The following COL4A2 variants were observed in gnomAD, a reference collection of about 807,000 sequenced individuals.
COL4A2 encodes collagen alpha-2(IV) chain.
Under a neutral mutation model 200.2 loss-of-function variants are expected in COL4A2, and 99 were observed. The ratio of observed to expected loss-of-function variants is 0.49; its 90% CI spans 0.42 to 0.58. COL4A2 has a LOEUF of 0.58. COL4A2 is among the 20% of genes least tolerant of loss of function. COL4A2 has a pLI of 0.00. For missense variants in COL4A2, 1,950 were observed against 2,314.1 expected (o/e 0.84, Z 3.23); for synonymous variants, 897 against 900.6 (o/e 1.00, Z 0.07).
At chr13:110,317,457 A>C (rs1885169765) in intron 3 of COL4A2, among the ~76,000 whole-genome samples, 1 of 152,216 alleles carries the variant, frequency 6.6e-6, no homozygotes, top group African/African-American at 2.4e-5. Flanking sequence ...CAGCCAAGGC[A>C]GAAAAAGACT....
chr13:110,368,970 A>T (rs1877881350), intron 4 of COL4A2, among the ~76,000 whole-genome samples: 1 of 152,090 alleles, frequency 6.6e-6, no homozygotes, highest in African/African-American at 2.4e-5. Flanking sequence ...GCACTTTGGG[A>T]GGCCGAGGAG....
At chr13:110,372,349 G>A (rs772258818) in intron 4 of COL4A2, among the ~76,000 whole-genome samples, 2 of 152,128 alleles carry the variant, frequency 1.3e-5, no homozygotes, top group African/African-American at 2.4e-5. Flanking sequence ...CAGGTGACCC[G>A]TTTTTCCTTC....
chr13:110,363,430 AC>A (rs1877600480), intron 4 of COL4A2, among the ~76,000 whole-genome samples: 1 of 152,226 alleles, frequency 6.6e-6, no homozygotes, highest in African/African-American at 2.4e-5. Flanking sequence ...CTTAAATTCA[AC>A]ACTATAAATC....
At position 110,512,471 on chromosome 13, in the gene COL4A2, C is replaced by A; in HGVS notation, c.*280C>A. 2.0e-6 allele frequency: 1 copy of A among 510,372 alleles called. No homozygotes were observed. Among genetic ancestry groups the A allele is most frequent in the Non-Finnish European group, 3.5e-6 (1 of 288,494 alleles). The allele number at this position is 510,372 out of a possible 1,614,324, so 31.6% of individuals were successfully genotyped here. A position where few individuals can be genotyped will look rare whatever the true frequency, so the allele number is the denominator to read the frequency against. ...CGCCTGAAGGCACAGCTAACCACTT[C>A]GCACACACCCATGTAACCACTGCAC... On this transcript the variant is annotated 3_prime_UTR_variant, in exon 48 of 48. Transcript: ENST00000360467.
rs1409822420 is a variant in COL4A2 at position 110,487,201 on chromosome 13, C to A, written c.3207+1365C>A. On this transcript the variant is annotated intron_variant, in intron 34 of 47. Coordinates refer to ENST00000360467, the MANE Select transcript of COL4A2 (RefSeq NM_001846.4). ...GTGCAGTGGCTCTTGCCTATAATCC[C>A]AGCACTTTGGGAGGCCAAGGCAGGC... Among the ~76,000 whole-genome samples the A allele has an allele frequency of 2.0e-5, 3 of 152,238 alleles. 1 individual carries two copies. The East Asian group carries it at 5.8e-4, about 29-fold the overall frequency.
chr13:110,503,822 T>C, intron 43 of COL4A2, 25 bp from the exon 44 acceptor site: 1 of 1,613,750 alleles, frequency 6.2e-7, no homozygotes, highest in Non-Finnish European at 8.5e-7. Context: ...GTGTGTTTAC[T>C]GGGGCCTCTC....
At chr13:110,393,673 G>A (rs1463244501) in intron 4 of COL4A2, among the ~76,000 whole-genome samples, 2 of 151,796 alleles carry the variant, frequency 1.3e-5, no homozygotes, top group Non-Finnish European at 2.9e-5. Context: ...GAGGTCAGGA[G>A]TTCGAGACCA....
At chr13:110,505,229 A>G (rs540444936) in intron 45 of COL4A2, among the ~76,000 whole-genome samples, 38 of 152,190 alleles carry the variant, frequency 2.5e-4, no homozygotes, top group Non-Finnish European at 4.4e-4. Flanking sequence ...GGGCGCCAGT[A>G]GTCCCAGCTA....
chr13:110,342,932 G>C (rs1256878792), intron 3 of COL4A2, among the ~76,000 whole-genome samples: 2 of 152,134 alleles, frequency 1.3e-5, no homozygotes, highest in Non-Finnish European at 2.9e-5. Flanking sequence ...AAAATCAACT[G>C]TCTTCATGCA....
At chr13:110,469,117 C>T in intron 27 of COL4A2, 100 bp from the exon 28 acceptor site, 1 of 1,349,724 alleles carries the variant, frequency 7.4e-7, no homozygotes, top group Non-Finnish European at 1.0e-6. Context: ...TCATCATTTC[C>T]CGGTTTCATG....
chr13:110,353,439 G>T (rs925948709), intron 3 of COL4A2, among the ~76,000 whole-genome samples: 1 of 152,214 alleles, frequency 6.6e-6, no homozygotes, highest in Admixed American at 6.5e-5. Flanking sequence ...GGTGCGTGCA[G>T]TCGGTATGCC....
intron 39 of COL4A2, among the ~76,000 whole-genome samples, chr13:110,494,842 T>A (rs1263995449): frequency 1.3e-5 from 2 of 152,268 alleles, no homozygotes; most frequent in African/African-American, 4.8e-5. Context: ...GTGTGTATAT[T>A]ACACGTAAAT....
chr13:110,374,542 T>C (rs1878154732), intron 4 of COL4A2, among the ~76,000 whole-genome samples: 1 of 152,214 alleles, frequency 6.6e-6, no homozygotes, highest in African/African-American at 2.4e-5. Flanking sequence ...TCCATCCTTT[T>C]CCCCATCTGT....
At chr13:110,370,595 GCTT>G (rs1259917351) in intron 4 of COL4A2, among the ~76,000 whole-genome samples, 1 of 152,132 alleles carries the variant, frequency 6.6e-6, no homozygotes, top group Non-Finnish European at 1.5e-5. Flanking sequence ...TTGTTTTTCT[GCTT>G]CTTCACTCTT....
intron 29 of COL4A2, among the ~76,000 whole-genome samples, chr13:110,476,341 A>G (rs1483362339): frequency 6.6e-6 from 1 of 152,242 alleles, no homozygotes; most frequent in Non-Finnish European, 1.5e-5. Context: ...AAAAAATAGA[A>G]GTGTCCTCAT....
At chr13:110,453,919 G>C (rs1312917613) in intron 20 of COL4A2, among the ~76,000 whole-genome samples, 1 of 152,200 alleles carries the variant, frequency 6.6e-6, no homozygotes, top group Non-Finnish European at 1.5e-5. Context: ...GAATGACCTT[G>C]ATTCCCATGG....
intron 45 of COL4A2, among the ~76,000 whole-genome samples, chr13:110,505,299 A>C (rs111803615): frequency 2.0e-5 from 3 of 152,102 alleles, no homozygotes; most frequent in Admixed American, 6.5e-5. Context: ...GCAATGAGCC[A>C]AGATCGCGCC....
At chr13:110,318,971 G>A (rs1219638587) in intron 3 of COL4A2, among the ~76,000 whole-genome samples, 4 of 152,110 alleles carry the variant, frequency 2.6e-5, no homozygotes. Context: ...CGGTTCTGCA[G>A]GTGAAATTGT....
At chr13:110,434,030 A>G (rs1594211790) in intron 11 of COL4A2, among the ~76,000 whole-genome samples, 1 of 152,354 alleles carries the variant, frequency 6.6e-6, no homozygotes, top group African/African-American at 2.4e-5. Flanking sequence ...AGCCAGAAGA[A>G]AAGACGAATC....
Sources: gnomAD v4.1 joint callset for allele counts (sites outside exome capture counted in the v4.1 genomes callset) on GRCh38, gnomAD v4.1.1 for gene constraint, MANE v1.5 for transcripts, NCBI Gene and HGNC (gene_info 2026-07-23, HGNC 2026-07-21) for gene names.